The following RELN variants were observed in gnomAD, a reference collection of about 807,000 sequenced individuals.
RELN encodes reelin.
A neutral mutation model predicts 427.6 loss-of-function variants in RELN; 108 were observed. The observed-to-expected ratio is 0.25, with a 90% CI of 0.22 to 0.30. The LOEUF (loss-of-function observed/expected upper bound fraction) is 0.30. Among genes scored for constraint, RELN ranks in the 10% least tolerant of loss-of-function variants. The pLI is 1.00. For missense variants in RELN, 3,715 were observed against 4,302.8 expected (o/e 0.86, Z 3.82); for synonymous variants, 1,524 against 1,513.4 (o/e 1.01, Z -0.16).
rs376510219 is a variant in RELN at position 103,758,651 on chromosome 7, A to G, written c.545-5437T>C. On this transcript the variant is annotated intron_variant, in intron 4 of 64. Coordinates refer to ENST00000428762, the MANE Select transcript of RELN (RefSeq NM_005045.4). The stretch of plus-strand genomic sequence containing the variant: ...TCCCTCTTGAGAGCAGAGCAGTTAA[A>G]TGAGAAAAAAATGAAATTTTAAAGT... 1.6e-4 allele frequency among the ~76,000 whole-genome samples: 24 copies of G among 151,032 alleles called. No homozygotes were observed. In the East Asian group the frequency reaches 1.7e-3, roughly 11 times the overall value.
chr7:103,603,487 A>G lies in RELN; in HGVS notation c.3150T>C (p.Cys1050=), dbSNP rs1387115928. 1 of 1,613,426 alleles carries G rather than the reference A, an allele frequency of 6.2e-7. No homozygotes were observed. Among genetic ancestry groups the G allele is most frequent in the South Asian group, 1.1e-5 (1 of 91,074 alleles). ...HGSCDHGICR[C]DQGYQGTECH... Reference sequence around the variant, plus strand: ...ATTCAGTGCCTTGGTACCCCTGGTCACACCTATGAGAGAGCAGGGCTGAGT... The same window carrying G: ...ATTCAGTGCCTTGGTACCCCTGGTCGCACCTATGAGAGAGCAGGGCTGAGT... Residue 1050 remains cysteine (C), a synonymous_variant, in exon 24 of 65, where the codon TGT becomes TGC. Coordinates refer to ENST00000428762, the MANE Select transcript of RELN (RefSeq NM_005045.4). This position sits in a 1 kb window ranked among gnomAD's most constrained non-coding sequence, Gnocchi z 4.3.
At chr7:103,514,908 C>T (rs902929868) in intron 50 of RELN, among the ~76,000 whole-genome samples, 2 of 151,996 alleles carry the variant, frequency 1.3e-5, no homozygotes, top group African/African-American at 4.8e-5. Flanking sequence ...AAATAGAAAA[C>T]AGGAAACACT....
rs180727546 is a variant in RELN at position 103,903,944 on chromosome 7, G to A, written c.337+13131C>T. Among the ~76,000 whole-genome samples the A allele has an allele frequency of 2.1e-3, 321 of 151,856 alleles. 2 individuals carry two copies. Among genetic ancestry groups the A allele is most frequent in the African/African-American group, 7.4e-3 (305 of 41,396 alleles). ...AGTGGTTTGCTGCACCTATCAACCC[G>A]TCATCTAGGTTTTAAGCTCCACGTA... On this transcript the variant is annotated intron_variant, in intron 2 of 64. Transcript: ENST00000428762.
chr7:103,648,509 C>T (rs549137071), intron 16 of RELN, among the ~76,000 whole-genome samples: 13 of 152,076 alleles, frequency 8.5e-5, no homozygotes, highest in African/African-American at 2.9e-4. Flanking sequence ...AGGAAAAACT[C>T]CTGAACACTT....
intron 10 of RELN, among the ~76,000 whole-genome samples, chr7:103,690,111 T>C (rs7803243): frequency 0.2 from 30,104 of 152,044 alleles, 3,829 homozygotes; most frequent in African/African-American, 0.35. Context: ...ATACTTCTAC[T>C]ATCATTATTA....
In RELN at chr7:103,557,076, A is replaced by C. The variant is rs1249696853; in HGVS notation, c.5698T>G (p.Phe1900Val). 6.2e-7 allele frequency: 1 copy of C among 1,613,462 alleles called. No individual in the cohort carries two copies. Among genetic ancestry groups the C allele is most frequent in the East Asian group, 2.2e-5 (1 of 44,900 alleles). Reference protein sequence around the residue: ...ITWHLMDEFYFPQTTNILFIN... With the variant: ...ITWHLMDEFYVPQTTNILFIN... ...AAAAGTATATTCGTTGTTTGAGGAA[A>C]GTAAAATTCATCCATCAGGTGCCAA... The change falls in exon 38 of 65, where the codon TTT becomes GTT. Residue 1900 changes from phenylalanine to valine, a missense_variant. By Grantham distance (50) the Phe-to-Val change is conservative. Coordinates refer to ENST00000428762, the MANE Select transcript of RELN (RefSeq NM_005045.4).
chr7:103,725,800 G>C (rs920860580), intron 7 of RELN, among the ~76,000 whole-genome samples: 1 of 152,122 alleles, frequency 6.6e-6, no homozygotes, highest in South Asian at 2.1e-4. Context: ...TGGCACAGCT[G>C]TTAAAAAGAA....
At chr7:103,787,819 C>T (rs1792057501) in intron 3 of RELN, among the ~76,000 whole-genome samples, 1 of 152,186 alleles carries the variant, frequency 6.6e-6, no homozygotes, top group African/African-American at 2.4e-5. Flanking sequence ...AGGGAATCCT[C>T]CCTAACTCTT....
intron 2 of RELN, among the ~76,000 whole-genome samples, chr7:103,848,475 C>A (rs1450784674): frequency 6.6e-6 from 1 of 152,170 alleles, no homozygotes; most frequent in Non-Finnish European, 1.5e-5. Flanking sequence ...ACAGGTCCAA[C>A]ATAAAAACAA....
intron 4 of RELN, among the ~76,000 whole-genome samples, chr7:103,773,103 T>TCCTTC (rs1563004095): frequency 1.8e-3 from 36 of 20,242 alleles, no homozygotes; most frequent in African/African-American, 5.4e-3. Context: ...TCTCCTCTTT[T>TCCTTC]CTTTCTTTCT....
At chr7:103,478,716 TTTA>T (rs372624214) in intron 63 of RELN, among the ~76,000 whole-genome samples, 2 of 152,268 alleles carry the variant, frequency 1.3e-5, no homozygotes, top group African/African-American at 2.4e-5. Context: ...AACTACTAAT[TTTA>T]TTATCTGATT....
At chr7:103,754,474 T>C (rs1791083795) in intron 4 of RELN, among the ~76,000 whole-genome samples, 2 of 151,754 alleles carry the variant, frequency 1.3e-5, no homozygotes, top group Admixed American at 1.3e-4. Flanking sequence ...TCAGAGAGAA[T>C]GTAAGGTATA....
At chr7:103,696,665 T>C (rs1398485835) in intron 10 of RELN, among the ~76,000 whole-genome samples, 1 of 152,060 alleles carries the variant, frequency 6.6e-6, no homozygotes, top group Non-Finnish European at 1.5e-5. Flanking sequence ...ATCCTCTCAC[T>C]CCTAATTCTG....
At chr7:103,749,703 A>G (rs1409577342) in intron 5 of RELN, among the ~76,000 whole-genome samples, 199 bp from the exon 6 acceptor site, 1 of 152,198 alleles carries the variant, frequency 6.6e-6, no homozygotes, top group East Asian at 1.9e-4. Context: ...AACACCTAGA[A>G]GTTGGGAAAA....
intron 6 of RELN, among the ~76,000 whole-genome samples, chr7:103,739,965 A>C (rs1790600193): frequency 6.6e-6 from 1 of 152,220 alleles, no homozygotes; most frequent in South Asian, 2.1e-4. Flanking sequence ...AACAGTGGTG[A>C]GGACAGGGAC....
chr7:103,644,407 CT>C (rs199766997), intron 16 of RELN, among the ~76,000 whole-genome samples: 5,558 of 134,568 alleles, frequency 0.041, 140 homozygotes, highest in East Asian at 0.15. Flanking sequence ...ATAAGTATGT[CT>C]TTTTTTTTTT....
At chr7:103,654,239 C>A in intron 12 of RELN, 34 bp from the exon 13 acceptor site, 2 of 1,027,668 alleles carry the variant, frequency 1.9e-6, no homozygotes, top group South Asian at 1.3e-5. Flanking sequence ...TTGCTAGTAC[C>A]AACTAGCATC....
intron 11 of RELN, among the ~76,000 whole-genome samples, chr7:103,680,262 A>G (rs1252647181): frequency 6.6e-6 from 1 of 151,482 alleles, no homozygotes; most frequent in Non-Finnish European, 1.5e-5. Flanking sequence ...TCAGAATGGT[A>G]CTCCTGGAGA....
At chr7:103,970,323 T>A (rs1448651685) in intron 1 of RELN, among the ~76,000 whole-genome samples, 1 of 151,858 alleles carries the variant, frequency 6.6e-6, no homozygotes, top group Admixed American at 6.6e-5. Context: ...TTTGTGTTTT[T>A]AGAAGTGATG....
Sources: gnomAD v4.1 joint callset for allele counts (sites outside exome capture counted in the v4.1 genomes callset) on GRCh38, gnomAD v4.1.1 for gene constraint, Gnocchi (gnomAD v3.1) non-coding constraint, MANE v1.5 for transcripts, NCBI Gene and HGNC (gene_info 2026-07-23, HGNC 2026-07-21) for gene names.